The following FOCAD variants were observed in gnomAD, a reference collection of about 807,000 sequenced individuals.
FOCAD encodes the protein focadhesin.
Under a neutral mutation model 225.6 loss-of-function variants are expected in FOCAD, and 198 were observed. The observed-to-expected ratio is 0.88, with a 90% confidence interval of 0.78 to 0.99. FOCAD has a LOEUF of 0.99. FOCAD is among the 50% of genes least tolerant of loss of function. The pLI is 0.00. For missense variants in FOCAD, 2,713 were observed against 2,123.6 expected, an observed-to-expected ratio of 1.28 and a Z score of -5.46; for synonymous variants, 897 against 755.0, an observed-to-expected ratio of 1.19 and a Z score of -3.08.
rs373397371 is a variant in FOCAD, at chr9:20,696,385, TG to T, written c.-33+12094del. On this transcript the variant is annotated intron_variant, in intron 1 of 43. Transcript: ENST00000338382. ...CAAGATGAGGTGATATGTTTGATTG[TG>T]GAAATCATTTCACACTGTATACATA... Among the ~76,000 whole-genome samples the T allele has an allele frequency of 5.9e-4, 90 of 152,360 alleles. No homozygotes were observed. In the East Asian group the frequency reaches 0.012, roughly 21 times the overall value.
chr9:20,885,050 T>G, intron 20 of FOCAD, 59 bp from the exon 21 acceptor site: 2 of 1,043,088 alleles, frequency 1.9e-6, no homozygotes, highest in African/African-American at 1.7e-5. Context: ...CAGAGTGAGA[T>G]TCTGTCTTAA....
intron 15 of FOCAD, among the ~76,000 whole-genome samples, chr9:20,861,636 A>T (rs936206921): frequency 1.3e-5 from 2 of 152,148 alleles, no homozygotes; most frequent in African/African-American, 4.8e-5. Context: ...TTACTCATTT[A>T]TCTTTGACAT....
At chr9:20,826,394 C>G (rs1256430053) in intron 15 of FOCAD, among the ~76,000 whole-genome samples, 1 of 152,080 alleles carries the variant, frequency 6.6e-6, no homozygotes, top group East Asian at 1.9e-4. Flanking sequence ...AGCTTTTGAG[C>G]TCTTGGACTT....
chr9:20,816,424 C>T (rs1460213941), intron 11 of FOCAD, among the ~76,000 whole-genome samples: 1 of 151,986 alleles, frequency 6.6e-6, no homozygotes, highest in Non-Finnish European at 1.5e-5. Context: ...CTTTCATTTG[C>T]CGAAAGTGAG....
At position 20,946,874 on chromosome 9, in the gene FOCAD, G is replaced by A. The variant is rs77008274; in HGVS notation, c.3675+54G>A. 5.8e-4 allele frequency: 936 copies of A among 1,600,694 alleles called. 12 individuals carry two copies. The East Asian group carries it at 0.018, about 31-fold the overall frequency. ...TCTGTGGGTCTCATGCTGCTGCTAAGTTTTGCTTTTGACTTACTCTGAATT... is the reference window on the plus strand; with the variant it reads ...TCTGTGGGTCTCATGCTGCTGCTAAATTTTGCTTTTGACTTACTCTGAATT... On this transcript the variant is annotated intron_variant, in intron 30 of 43. Transcript: ENST00000338382.
At chr9:20,832,473 C>G (rs1053335226) in intron 15 of FOCAD, among the ~76,000 whole-genome samples, 4 of 151,806 alleles carry the variant, frequency 2.6e-5, no homozygotes, top group Admixed American at 6.6e-5. Context: ...GATACAGGCA[C>G]GCAACATGAA....
intron 15 of FOCAD, among the ~76,000 whole-genome samples, chr9:20,832,431 A>G (rs1255978842): frequency 6.6e-6 from 1 of 151,842 alleles, no homozygotes; most frequent in Non-Finnish European, 1.5e-5. Flanking sequence ...TATAGTAAGT[A>G]TATATATTTA....
At chr9:20,679,462 G>A (rs1251236149), upstream of FOCAD, among the ~76,000 whole-genome samples, 2 of 152,052 alleles carry the variant, frequency 1.3e-5, no homozygotes, top group African/African-American at 4.8e-5. Context: ...CTGATGCTGT[G>A]GGTGACATGA....
intron 21 of FOCAD, among the ~76,000 whole-genome samples, chr9:20,901,063 C>A (rs377325327): frequency 4.6e-5 from 7 of 151,918 alleles, no homozygotes; most frequent in African/African-American, 1.7e-4. Flanking sequence ...TATTTTGCCC[C>A]AACAAGATTA....
At chr9:20,948,456 G>A (rs1445708932) in intron 31 of FOCAD, 63 bp downstream of exon 31, 1 of 1,561,886 alleles carries the variant, frequency 6.4e-7, no homozygotes, top group Non-Finnish European at 8.7e-7. Flanking sequence ...TACTTTATTG[G>A]ATCATTTATA....
chr9:20,757,557 A>G (rs1017664801), intron 5 of FOCAD, among the ~76,000 whole-genome samples: 7 of 152,232 alleles, frequency 4.6e-5, no homozygotes, highest in Admixed American at 3.9e-4. Flanking sequence ...GATGGAAGGA[A>G]TATTTCCTTT....
chr9:20,926,222 G>A (rs1297730259), intron 25 of FOCAD, 79 bp from the exon 26 acceptor site: 1 of 848,800 alleles, frequency 1.2e-6, no homozygotes, highest in Admixed American at 2.1e-5. Context: ...TAATATAGAA[G>A]GGAGTTACAC....
intron 16 of FOCAD, 81 bp downstream of exon 16, chr9:20,862,793 C>T: frequency 1.3e-6 from 2 of 1,482,882 alleles, no homozygotes; most frequent in Non-Finnish European, 1.8e-6. Flanking sequence ...ATAAATATTC[C>T]TAATCTGTTG....
Position 20,929,553 on chromosome 9 carries a change from G to A in FOCAD, c.3274G>A (p.Ala1092Thr), listed in dbSNP as rs1276649276. 2 of 1,614,030 alleles carry A rather than the reference G, an allele frequency of 1.2e-6. No individual in the cohort carries two copies. The highest frequency in any genetic ancestry group is 1.7e-6 in the Non-Finnish European group (2 of 1,180,014). Residue 1092 changes from alanine (A) to threonine (T), a missense_variant, in exon 27 of 44, where the codon GCT (alanine) becomes ACT (threonine). By Grantham distance (58) the Ala-to-Thr change is moderately conservative. Transcript: ENST00000338382. Reference sequence around the variant, plus strand: ...AGCCGTGCAAATCCACATGGGCCTTGCTTTAGGGATGTTTCTCTCTCGCTT... The same window carrying A: ...AGCCGTGCAAATCCACATGGGCCTTACTTTAGGGATGTTTCTCTCTCGCTT... ...SQAVQIHMGLALGMFLSRLCE... is the reference protein window; with the variant it reads ...SQAVQIHMGLTLGMFLSRLCE...
chr9:20,831,694 T>C (rs1355840734), intron 15 of FOCAD, among the ~76,000 whole-genome samples: 1 of 152,050 alleles, frequency 6.6e-6, no homozygotes, highest in Non-Finnish European at 1.5e-5. Flanking sequence ...CTTTATACAT[T>C]CTGTGATATT....
intron 21 of FOCAD, among the ~76,000 whole-genome samples, chr9:20,890,323 C>G (rs185629509): frequency 2.2e-3 from 322 of 145,982 alleles, no homozygotes; most frequent in African/African-American, 7.6e-3. Flanking sequence ...TGTCGACTTC[C>G]TTTGTCAGGT....
At chr9:20,736,927 A>C (rs1335781229) in intron 4 of FOCAD, among the ~76,000 whole-genome samples, 2 of 151,728 alleles carry the variant, frequency 1.3e-5, no homozygotes, top group Non-Finnish European at 2.9e-5. Context: ...CATAATATTT[A>C]TTAAACATAA....
intron 28 of FOCAD, among the ~76,000 whole-genome samples, chr9:20,937,897 A>G (rs1836163894): frequency 1.3e-5 from 2 of 152,112 alleles, no homozygotes; most frequent in South Asian, 2.1e-4. Flanking sequence ...AAAACAGACA[A>G]CCCCATCAAC....
At chr9:20,954,211 G>A (rs994164735) in intron 35 of FOCAD, among the ~76,000 whole-genome samples, 41 of 152,136 alleles carry the variant, frequency 2.7e-4, no homozygotes, top group African/African-American at 6.0e-4. Context: ...TATATTACAC[G>A]TAATGTACAG....
Sources: gnomAD v4.1 joint callset for allele counts (sites outside exome capture counted in the v4.1 genomes callset) on GRCh38, gnomAD v4.1.1 for gene constraint, MANE v1.5 for transcripts, NCBI Gene and HGNC (gene_info 2026-07-23, HGNC 2026-07-21) for gene names.